LHFPL6: variants seen among roughly 807,000 people sequenced by gnomAD.
LHFPL6 encodes LHFPL tetraspan subfamily member 6, also known as LHFPL tetraspan subfamily member 6 protein.
A neutral mutation model predicts 20.6 loss-of-function variants in LHFPL6; 9 were observed. That is an observed-to-expected ratio of 0.44 (90% CI 0.26 to 0.76). The LOEUF (loss-of-function observed/expected upper bound fraction) is 0.76. Ranked by LOEUF, LHFPL6 falls within the 30% of genes least tolerant of loss-of-function variation. LHFPL6 has a pLI of 0.20. For missense variants in LHFPL6, 218 were observed against 253.5 expected (o/e 0.86, Z 0.95); for synonymous variants, 105 against 98.7 (o/e 1.06, Z -0.38).
chr13:39,531,466 T>G (rs1009131755), intron 2 of LHFPL6, among the ~76,000 whole-genome samples: 2 of 152,280 alleles, frequency 1.3e-5, no homozygotes, highest in South Asian at 4.1e-4. Context: ...ATTAACAAAA[T>G]GTACTTTGGG....
intron 2 of LHFPL6, among the ~76,000 whole-genome samples, chr13:39,394,680 T>G (rs1475527420): frequency 6.6e-6 from 1 of 152,234 alleles, no homozygotes; most frequent in Non-Finnish European, 1.5e-5. Context: ...GTAAAATTGA[T>G]GCTCTTAGAA....
chr13:39,350,427 C>T (rs1412225235), intron 3 of LHFPL6, among the ~76,000 whole-genome samples: 1 of 152,126 alleles, frequency 6.6e-6, no homozygotes, highest in Non-Finnish European at 1.5e-5. Context: ...GAAATTAGCA[C>T]CATGTTTTAC....
At chr13:39,515,687 G>A (rs1425908702) in intron 2 of LHFPL6, among the ~76,000 whole-genome samples, 1 of 152,116 alleles carries the variant, frequency 6.6e-6, no homozygotes, top group African/African-American at 2.4e-5. Flanking sequence ...TGATTAACTG[G>A]CTCGCTGATT....
At chr13:39,523,859 A>G (rs1870200089) in intron 2 of LHFPL6, among the ~76,000 whole-genome samples, 1 of 152,236 alleles carries the variant, frequency 6.6e-6, no homozygotes, top group African/African-American at 2.4e-5. Flanking sequence ...GACGGAAAAG[A>G]GGTTAATTGC....
chr13:39,447,359 TA>T (rs571996091), intron 2 of LHFPL6, among the ~76,000 whole-genome samples: 29 of 152,288 alleles, frequency 1.9e-4, no homozygotes, highest in African/African-American at 5.5e-4. Flanking sequence ...TACTTCACGA[TA>T]TTTTTTTTAA....
chr13:39,395,864 C>T (rs936926720), intron 2 of LHFPL6, among the ~76,000 whole-genome samples: 4 of 152,208 alleles, frequency 2.6e-5, no homozygotes, highest in African/African-American at 9.6e-5. Flanking sequence ...TGAATGGCTG[C>T]TGGTGGCAAA....
intron 2 of LHFPL6, among the ~76,000 whole-genome samples, chr13:39,488,118 C>T (rs1227823652): frequency 6.6e-6 from 1 of 152,062 alleles, no homozygotes; most frequent in East Asian, 1.9e-4. Context: ...GGATTAATGC[C>T]CTTATAAAAG....
intron 2 of LHFPL6, among the ~76,000 whole-genome samples, chr13:39,523,653 G>A (rs912137813): frequency 1.3e-5 from 2 of 152,040 alleles, no homozygotes; most frequent in Non-Finnish European, 2.9e-5. Context: ...GGCAGTTCCA[G>A]AGAACTTTGC....
intron 2 of LHFPL6, among the ~76,000 whole-genome samples, chr13:39,468,480 G>GA (rs148561953): frequency 1.3e-4 from 19 of 149,128 alleles, no homozygotes; most frequent in East Asian, 4.0e-4. Flanking sequence ...AGCAGTTCCT[G>GA]AAAAAAAAAA....
intron 2 of LHFPL6, among the ~76,000 whole-genome samples, chr13:39,502,919 G>A (rs557561399): frequency 6.6e-6 from 1 of 151,904 alleles, no homozygotes; most frequent in East Asian, 1.9e-4. Flanking sequence ...TAGAGACAAG[G>A]TCTTGCTCTG....
At chr13:39,372,914 G>T (rs1024145488) in intron 3 of LHFPL6, among the ~76,000 whole-genome samples, 8 of 152,124 alleles carry the variant, frequency 5.3e-5, no homozygotes, top group African/African-American at 1.7e-4. Flanking sequence ...TGTCCAAACA[G>T]GGAAGCAGTA....
chr13:39,415,045 G>A (rs9548756), intron 2 of LHFPL6, among the ~76,000 whole-genome samples: 15,624 of 152,184 alleles, frequency 0.1, 970 homozygotes, highest in East Asian at 0.26. Flanking sequence ...TTTCTAACCC[G>A]TCTGTGGCAC....
At chr13:39,363,880 TG>T (rs1869944651) in intron 3 of LHFPL6, among the ~76,000 whole-genome samples, 1 of 152,186 alleles carries the variant, frequency 6.6e-6, no homozygotes, top group Non-Finnish European at 1.5e-5. Flanking sequence ...ACCAGGCCGT[TG>T]GGATATATAT....
At position 39,492,336 on chromosome 13, in the gene LHFPL6, T is replaced by C. The variant is rs574514442; in HGVS notation, c.385+108496A>G. Among the ~76,000 whole-genome samples, 426 of 152,282 alleles carry C rather than the reference T, an allele frequency of 2.8e-3. 1 individual carries two copies. The highest frequency in any genetic ancestry group is 9.8e-3 in the African/African-American group (407 of 41,562). ...ATTAGCATTCACTTTCTTAGTAAAA[T>C]AGGTAATGTTATTTTTGTTCAAGAG... On this transcript the variant is annotated intron_variant, in intron 2 of 3. Coordinates refer to ENST00000379589, the MANE Select transcript of LHFPL6 (RefSeq NM_005780.3).
intron 2 of LHFPL6, among the ~76,000 whole-genome samples, chr13:39,417,855 A>G (rs768724010): frequency 6.6e-6 from 1 of 152,206 alleles, no homozygotes; most frequent in African/African-American, 2.4e-5. Flanking sequence ...AGTATGATTC[A>G]TAACACAAAC....
At chr13:39,473,926 G>A (rs1873012627) in intron 2 of LHFPL6, among the ~76,000 whole-genome samples, 1 of 152,138 alleles carries the variant, frequency 6.6e-6, no homozygotes, top group African/African-American at 2.4e-5. Flanking sequence ...AGAGAAATGA[G>A]GAGGAAAAAG....
intron 2 of LHFPL6, among the ~76,000 whole-genome samples, chr13:39,519,412 A>G (rs576468141): frequency 3.3e-5 from 5 of 152,212 alleles, no homozygotes; most frequent in Admixed American, 1.3e-4. Context: ...TCCTCAAATA[A>G]TGCTGATGCT....
At chr13:39,473,341 CAA>C (rs10601406) in intron 2 of LHFPL6, among the ~76,000 whole-genome samples, 15,437 of 149,118 alleles carry the variant, frequency 0.1, 1,500 homozygotes, top group African/African-American at 0.25. Context: ...AGATCACACA[CAA>C]ACACACACAC....
intron 3 of LHFPL6, among the ~76,000 whole-genome samples, chr13:39,351,740 G>A (rs942806871): frequency 1.3e-5 from 2 of 152,130 alleles, no homozygotes; most frequent in Admixed American, 6.6e-5. Flanking sequence ...CTGAGTCTTC[G>A]CCAGTCCCAG....
Sources: allele counts gnomAD v4.1 joint callset (sites outside exome capture counted in the v4.1 genomes callset), GRCh38; gene constraint gnomAD v4.1.1; transcripts MANE v1.5; gene names NCBI Gene and HGNC (gene_info 2026-07-23, HGNC 2026-07-21).